IRF4: variants seen among roughly 807,000 people sequenced by gnomAD.
IRF4 encodes lymphocyte-specific interferon regulatory factor.
In IRF4, 13 loss-of-function variants were observed where a neutral mutation model predicts 55.5. That is an observed-to-expected ratio of 0.23 (90% CI 0.15 to 0.37). The LOEUF (loss-of-function observed/expected upper bound fraction) is 0.37, where lower values mean the gene tolerates loss of function less well. IRF4 is among the 10% of genes least tolerant of loss of function. The probability of loss-of-function intolerance (pLI) is 1.00; values close to 1 mark genes in which losing one functional copy is unlikely to be tolerated. For synonymous variants in IRF4, 249 were observed against 240.7 expected (o/e 1.03, Z -0.32); for missense variants, 397 against 593.8 (o/e 0.67, Z 3.44).
rs559734928 is a variant in IRF4, at chr6:407,572, A to G, written c.1330A>G (p.Ile444Val). ...ISNPEDYHRSIRHSSIQE is the reference protein window; with the variant it reads ...ISNPEDYHRSVRHSSIQE Reference sequence around the variant, plus strand: ...CAATCCAGAAGATTACCACAGATCTATCCGCCATTCCTCTATTCAAGAATG... The same window carrying G: ...CAATCCAGAAGATTACCACAGATCTGTCCGCCATTCCTCTATTCAAGAATG... Residue 444 changes from isoleucine to valine, a missense_variant, in exon 9 of 9, where the codon ATC becomes GTC. Coordinates refer to ENST00000380956, the MANE Select transcript of IRF4 (RefSeq NM_002460.4). 3 of 1,609,546 alleles carry G rather than the reference A, an allele frequency of 1.9e-6. No homozygotes were observed. In the East Asian group the frequency reaches 6.7e-5, roughly 36 times the overall value.
intron 2 of IRF4, among the ~76,000 whole-genome samples, chr6:394,395 C>G (rs752270807): frequency 6.6e-6 from 1 of 152,224 alleles, no homozygotes; most frequent in African/African-American, 2.4e-5. Flanking sequence ...AGTTTACGTT[C>G]TGAGCAACGG....
At chr6:395,765 G>A (rs1286593026) in intron 3 of IRF4, 82 bp from the exon 4 acceptor site, 1 of 995,454 alleles carries the variant, frequency 1.0e-6, no homozygotes, top group African/African-American at 1.6e-5. Flanking sequence ...TAAATGCTCA[G>A]GTATTTTTAC....
intron 6 of IRF4, among the ~76,000 whole-genome samples, chr6:400,093 A>G (rs1561715096): frequency 6.6e-6 from 1 of 152,158 alleles, no homozygotes; most frequent in Non-Finnish European, 1.5e-5. Flanking sequence ...TTTGGGGCGC[A>G]CTGTCTGACT....
At chr6:398,969 G>A (rs1239617892) in intron 6 of IRF4, 34 bp downstream of exon 6, 1 of 1,468,586 alleles carries the variant, frequency 6.8e-7, no homozygotes, top group Non-Finnish European at 9.4e-7. Flanking sequence ...AGGCACCGCA[G>A]GAGGCCAGCC....
chr6:397,473 G>A (rs1333242611), intron 5 of IRF4: 3 of 540,734 alleles, frequency 5.5e-6, no homozygotes, highest in Non-Finnish European at 9.8e-6. Flanking sequence ...GCCCTTCGTG[G>A]GATCTTATTT....
chr6:404,571 T>C (rs73717077), intron 7 of IRF4, among the ~76,000 whole-genome samples: 2 of 152,384 alleles, frequency 1.3e-5, no homozygotes, highest in African/African-American at 4.8e-5. Context: ...TTATGTGGGC[T>C]CTGTAGTGAG....
chr6:399,043 C>G, intron 6 of IRF4, 108 bp downstream of exon 6: 1 of 665,990 alleles, frequency 1.5e-6, no homozygotes, highest in Non-Finnish European at 2.5e-6. Context: ...GCTTTGCTCC[C>G]TCTGGGGTCT....
chr6:395,030 G>C, intron 3 of IRF4, 23 bp downstream of exon 3: 3 of 1,564,166 alleles, frequency 1.9e-6, no homozygotes, highest in Non-Finnish European at 2.6e-6. Context: ...CTGAATTTGG[G>C]TCACCTAACA....
At chr6:406,649 G>A (rs994753354) in intron 8 of IRF4, 6 of 256,212 alleles carry the variant, frequency 2.3e-5, no homozygotes, top group Non-Finnish European at 3.4e-5. Flanking sequence ...GGGAAAGATG[G>A]ATCCCCAGAT....
chr6:397,032 T>G lies in IRF4; in HGVS notation c.493-76T>G, dbSNP rs1232175808. 5.4e-5 allele frequency: 81 copies of G among 1,492,866 alleles called. 1 individual carries two copies. Among genetic ancestry groups the G allele is most frequent in the Non-Finnish European group, 6.8e-5 (75 of 1,101,032 alleles). 92.5% of individuals were successfully genotyped at this position (1,492,866 alleles called of 1,614,324 possible). A position where few individuals can be genotyped will look rare whatever the true frequency, so the allele number is the denominator to read the frequency against. ...CGTCTCGATGCCAGTGCTTCCTATC[T>G]CAGCCTCTCCTGCACTCCTTTACCC... On this transcript the variant is annotated intron_variant, in intron 4 of 8. Transcript: ENST00000380956.
Position 391,805 on chromosome 6 carries a change from G to A in IRF4, c.-60G>A. 1 of 456,194 alleles carries A rather than the reference G, an allele frequency of 2.2e-6. No individual in the cohort carries two copies. Among genetic ancestry groups the A allele is most frequent in the Non-Finnish European group, 4.4e-6 (1 of 226,950 alleles). The allele number at this position is 456,194 out of a possible 1,614,324, so 28.3% of individuals were successfully genotyped here. A position where few individuals can be genotyped will look rare whatever the true frequency, so the allele number is the denominator to read the frequency against. Reference sequence around the variant, plus strand: ...CGCTGCCCTCAGCTCCGAGTCCAGGGCGAGGTAAGGGCTGGAGTCGGGCAG... The same window carrying A: ...CGCTGCCCTCAGCTCCGAGTCCAGGACGAGGTAAGGGCTGGAGTCGGGCAG... On this transcript the variant is annotated 5_prime_UTR_variant, in exon 1 of 9. Transcript: ENST00000380956.
intron 6 of IRF4, among the ~76,000 whole-genome samples, chr6:399,347 GTCC>G (rs959193463): frequency 6.6e-6 from 1 of 152,090 alleles, no homozygotes; most frequent in African/African-American, 2.4e-5. Context: ...CCACAAATAA[GTCC>G]TCCTCCTCTA....
Position 405,058 on chromosome 6 carries a change from A to G in IRF4, c.1140A>G (p.Arg380=). Residue 380 remains arginine (R), a synonymous_variant, in exon 8 of 9, where the codon AGA becomes AGG. Coordinates refer to ENST00000380956, the MANE Select transcript of IRF4 (RefSeq NM_002460.4). ...AFAHHGRSLP[R]FQVTLCFGEE... The stretch of plus-strand genomic sequence containing the variant: ...CTCACCACGGCCGCTCCCTGCCAAG[A>G]TTCCAGGTGACTCTATGCTTTGGAG... 6.2e-7 allele frequency: 1 copy of G among 1,614,102 alleles called. No individual in the cohort carries two copies. The highest frequency in any genetic ancestry group is 8.5e-7 in the Non-Finnish European group (1 of 1,179,990).
At chr6:396,015 C>G in intron 4 of IRF4, 80 bp downstream of exon 4, 1 of 1,143,162 alleles carries the variant, frequency 8.7e-7, no homozygotes. Flanking sequence ...CCACAGCAGC[C>G]CAGACAGCAG....
rs1282068687 is a variant in IRF4 at position 407,585 on chromosome 6, C to CTATTCA, written c.1344_1349dup (p.Ile449_Gln450insHisIle). 6.3e-7 allele frequency: 1 copy of CTATTCA among 1,595,124 alleles called. No homozygotes were observed. The highest frequency in any genetic ancestry group is 8.5e-7 in the Non-Finnish European group (1 of 1,170,116). Reference sequence around the variant, plus strand: ...TACCACAGATCTATCCGCCATTCCTCTATTCAAGAATGAAAAATGTCAAGA... The same window carrying CTATTCA: ...TACCACAGATCTATCCGCCATTCCTCTATTCATATTCAAGAATGAAAAATGTCAAGA... On this transcript the variant is annotated inframe_insertion, in exon 9 of 9. Transcript: ENST00000380956.
rs566047868 is a variant in IRF4, at chr6:407,629, C to CTTT, written c.*48_*50dup. The CTTT allele has an allele frequency of 3.7e-4, 478 of 1,282,966 alleles. No homozygotes were observed. Among genetic ancestry groups the CTTT allele is most frequent in the East Asian group, 6.2e-4 (24 of 38,930 alleles). 79.5% of individuals were successfully genotyped at this position (1,282,966 alleles called of 1,614,324 possible). A position where few individuals can be genotyped will look rare whatever the true frequency, so the allele number is the denominator to read the frequency against. Reference sequence around the variant, plus strand: ...GTCAAGATGAGTGGTTTTCTTTTTCCTTTTTTTTTTTTTTTTTTTGATACG... The same window carrying CTTT: ...GTCAAGATGAGTGGTTTTCTTTTTCCTTTTTTTTTTTTTTTTTTTTTTGATACG... On this transcript the variant is annotated 3_prime_UTR_variant, in exon 9 of 9. Coordinates refer to ENST00000380956, the MANE Select transcript of IRF4 (RefSeq NM_002460.4).
At chr6:396,522 G>T (rs978556185) in intron 4 of IRF4, among the ~76,000 whole-genome samples, 1 of 152,148 alleles carries the variant, frequency 6.6e-6, no homozygotes, top group East Asian at 1.9e-4. Context: ...GAGTTTGGAG[G>T]CTGTAAGAGC....
In IRF4 at chr6:393,430, T is replaced by A; in HGVS notation, c.216+62T>A. ...GAGGGCCCAGAGACAGAGCCCGGGG[T>A]CCCCGGCGCCGCCTCCGAGGCGAGC... On this transcript the variant is annotated intron_variant, in intron 2 of 8. Transcript: ENST00000380956. The surrounding 1 kb of genome is among the most constrained non-coding windows in gnomAD (Gnocchi z 5.4). 1.7e-4 allele frequency: 67 copies of A among 383,318 alleles called. No individual in the cohort carries two copies. The highest frequency in any genetic ancestry group is 2.9e-4 in the Non-Finnish European group (63 of 220,062). 23.7% of individuals were successfully genotyped at this position (383,318 alleles called of 1,614,324 possible).
intron 3 of IRF4, among the ~76,000 whole-genome samples, chr6:395,468 C>T (rs1003825042): frequency 6.6e-6 from 1 of 152,134 alleles, no homozygotes; most frequent in Non-Finnish European, 1.5e-5. Flanking sequence ...AGTCAGATTC[C>T]TGGACCCCTC....
Sources: allele counts gnomAD v4.1 joint callset (sites outside exome capture counted in the v4.1 genomes callset), GRCh38; gene constraint gnomAD v4.1.1; non-coding constraint Gnocchi (gnomAD v3.1); transcripts MANE v1.5; gene names NCBI Gene and HGNC (gene_info 2026-07-23, HGNC 2026-07-21).